The following VPS26B variants were observed in gnomAD, a reference collection of about 807,000 sequenced individuals.
VPS26B encodes the protein VPS26 retromer complex component B.
In VPS26B, 10 loss-of-function variants were observed where a neutral mutation model predicts 33.3. The observed-to-expected ratio is 0.30, with a 90% confidence interval of 0.19 to 0.51. The LOEUF (loss-of-function observed/expected upper bound fraction) is 0.51. Among genes scored for constraint, VPS26B ranks in the 20% least tolerant of loss-of-function variants. VPS26B has a pLI of 0.98. For synonymous variants in VPS26B, 190 were observed against 176.9 expected (o/e 1.07, Z -0.59); for missense variants, 317 against 452.7 (o/e 0.70, Z 2.72).
intron 2 of VPS26B, among the ~76,000 whole-genome samples, chr11:134,237,867 A>T (rs1938656192): frequency 6.6e-6 from 1 of 152,156 alleles, no homozygotes; most frequent in African/African-American, 2.4e-5. Flanking sequence ...GTTGGTGCAG[A>T]ACCCGCCTTG....
At chr11:134,226,020 T>C (rs1450642572) in intron 1 of VPS26B, among the ~76,000 whole-genome samples, 1 of 152,298 alleles carries the variant, frequency 6.6e-6, no homozygotes, top group Non-Finnish European at 1.5e-5. Context: ...CCACATTTTC[T>C]GTTTAAAGAC....
chr11:134,243,329 C>T lies in VPS26B; in HGVS notation c.721+35C>T, dbSNP rs1048461024. 3.7e-6 allele frequency: 6 copies of T among 1,611,540 alleles called. No homozygotes were observed. The Admixed American group carries it at 8.3e-5, about 22-fold the overall frequency. On this transcript the variant is annotated intron_variant, in intron 4 of 5. Coordinates refer to ENST00000281187, the MANE Select transcript of VPS26B (RefSeq NM_052875.5). The stretch of plus-strand genomic sequence containing the variant: ...CAGGCCCAGGCCTCGGCTACCACAG[C>T]TTTTCTCCCATGTCCTGCACAGAAT...
rs1938788444 is a variant in VPS26B, at chr11:134,245,022, G to A, written c.806G>A (p.Arg269His). The change falls in exon 5 of 6, where the codon CGC becomes CAC. Residue 269 changes from arginine to histidine, a missense_variant. Coordinates refer to ENST00000281187, the MANE Select transcript of VPS26B (RefSeq NM_052875.5). The surrounding 1 kb of genome is among the most constrained non-coding windows in gnomAD (Gnocchi z 4.7). ...MRDINKKFSV[R>H]YYLNLVLIDE... ...GACATCAACAAGAAGTTCTCTGTGC[G>A]CTATTACCTCAACCTGGTGCTGATA... 4.3e-6 allele frequency: 7 copies of A among 1,614,152 alleles called. No individual in the cohort carries two copies. The highest frequency in any genetic ancestry group is 5.1e-6 in the Non-Finnish European group (6 of 1,180,030).
At chr11:134,243,462 G>T in intron 4 of VPS26B, 168 bp downstream of exon 4, 1 of 785,698 alleles carries the variant, frequency 1.3e-6, no homozygotes. Flanking sequence ...AGAAAAGGAA[G>T]GCTGAGTGTG....
Position 134,225,254 on chromosome 11 carries a change from G to T in VPS26B, c.132G>T (p.Glu44Asp), listed in dbSNP as rs763813492. ...AATATTTCCTCTTCTACGACGGGGA[G>T]ACGGTCTCCGGGAAGGTGAGCCTTG... Reference protein sequence around the residue: ...KEKYFLFYDGETVSGKVSLAL... With the variant: ...KEKYFLFYDGDTVSGKVSLAL... Residue 44 changes from glutamate (E) to aspartate (D), a missense_variant, in exon 1 of 6, where the codon GAG (glutamate) becomes GAT (aspartate). Glu to Asp is a conservative substitution (Grantham distance 45, BLOSUM62 2). Coordinates refer to ENST00000281187, the MANE Select transcript of VPS26B (RefSeq NM_052875.5). 1.9e-6 allele frequency: 3 copies of T among 1,614,186 alleles called. No homozygotes were observed. The highest frequency in any genetic ancestry group is 2.5e-6 in the Non-Finnish European group (3 of 1,180,000).
At chr11:134,233,699 T>A (rs562792613) in intron 1 of VPS26B, among the ~76,000 whole-genome samples, 3 of 151,592 alleles carry the variant, frequency 2.0e-5, no homozygotes, top group African/African-American at 4.8e-5. Flanking sequence ...CACTCCAGCC[T>A]GGGCGACAGA....
Position 134,234,818 on chromosome 11 carries a change from A to C in VPS26B, c.224-79A>C, listed in dbSNP as rs189284751. The C allele has an allele frequency of 1.5e-4, 238 of 1,545,694 alleles. 1 individual carries two copies. The African/African-American group carries it at 2.6e-3, about 17-fold the overall frequency. On this transcript the variant is annotated intron_variant, in intron 1 of 5. Transcript: ENST00000281187. ...TTCCAGAAAGCAGTCCCTCCAGCCT[A>C]CAGCCTCCAGCCCCCTACTCGGCCC... is the stretch of plus-strand genomic sequence containing the variant.
In VPS26B at chr11:134,245,961, C is replaced by A. The variant is rs185564002; in HGVS notation, c.*371C>A. ...TCCTGATACAGGATCTGAGCATGTC[C>A]CTGGGATTCTGAGCTGCCAACAGGG... On this transcript the variant is annotated 3_prime_UTR_variant, in exon 6 of 6. Transcript: ENST00000281187. The surrounding 1 kb of genome is among the most constrained non-coding windows in gnomAD (Gnocchi z 4.7). 7 of 204,456 alleles carry A rather than the reference C, an allele frequency of 3.4e-5. No homozygotes were observed. The highest frequency in any genetic ancestry group is 3.1e-4 in the South Asian group (3 of 9,554). The allele number at this position is 204,456 out of a possible 1,614,324, so 12.7% of individuals were successfully genotyped here. A position where few individuals can be genotyped will look rare whatever the true frequency, so the allele number is the denominator to read the frequency against.
intron 1 of VPS26B, among the ~76,000 whole-genome samples, chr11:134,227,947 C>T (rs1024071368): frequency 2.0e-5 from 3 of 152,350 alleles, no homozygotes; most frequent in East Asian, 1.9e-4. Flanking sequence ...TGTTTCAACC[C>T]TTTGCCTTAA....
intron 1 of VPS26B, 139 bp from the exon 2 acceptor site, chr11:134,234,758 C>G (rs1345093749): frequency 2.8e-5 from 28 of 996,332 alleles, no homozygotes; most frequent in Non-Finnish European, 1.4e-6. Context: ...GTCAAGAAAA[C>G]AAGGCTAGAA....
rs1938808035 is a variant in VPS26B at position 134,245,870 on chromosome 11, G to A, written c.*280G>A. On this transcript the variant is annotated 3_prime_UTR_variant, in exon 6 of 6. Transcript: ENST00000281187. The surrounding 1 kb of genome is among the most constrained non-coding windows in gnomAD (Gnocchi z 4.7). ...GAACATGAGCCCCCTTCCTCGGGGG[G>A]CTGCCTTGCGTCTTAGAGGAGGGAG... is the stretch of plus-strand genomic sequence containing the variant. 1.9e-5 allele frequency: 8 copies of A among 426,802 alleles called. No individual in the cohort carries two copies. The South Asian group carries it at 2.0e-4, about 10-fold the overall frequency. 26.4% of individuals were successfully genotyped at this position (426,802 alleles called of 1,614,324 possible).
intron 1 of VPS26B, among the ~76,000 whole-genome samples, chr11:134,225,680 G>A (rs1473082414): frequency 6.6e-6 from 1 of 152,188 alleles, no homozygotes; most frequent in Non-Finnish European, 1.5e-5. Context: ...GGATTTCTGG[G>A]TGAGGTGCTC....
rs1005106972 is a variant in VPS26B at position 134,224,801 on chromosome 11, A to G, written c.-322A>G. The G allele has an allele frequency of 6.5e-6, 1 of 153,822 alleles. No homozygotes were observed. The highest frequency in any genetic ancestry group is 6.6e-5 in the Admixed American group (1 of 15,262). The allele number at this position is 153,822 out of a possible 1,614,324, so 9.5% of individuals were successfully genotyped here. A position where few individuals can be genotyped will look rare whatever the true frequency, so the allele number is the denominator to read the frequency against. ...GCTCTGTGCGGCTGCCCCCCGCAGC[A>G]TTGCACGGCCGACCCTCGCCCGCCC... is the stretch of plus-strand genomic sequence containing the variant. On this transcript the variant is annotated 5_prime_UTR_variant, in exon 1 of 6. Coordinates refer to ENST00000281187, the MANE Select transcript of VPS26B (RefSeq NM_052875.5).
rs917918642 is a variant in VPS26B at position 134,244,726 on chromosome 11, A to G, written c.722-212A>G. 7.1e-6 allele frequency: 4 copies of G among 564,594 alleles called. No homozygotes were observed. The highest frequency in any genetic ancestry group is 1.2e-5 in the Non-Finnish European group (4 of 327,586). 35.0% of individuals were successfully genotyped at this position (564,594 alleles called of 1,614,324 possible). A position where few individuals can be genotyped will look rare whatever the true frequency, so the allele number is the denominator to read the frequency against. ...AGTTGCTCTCTGTTTTCGAGAAGAC[A>G]TGAGAAGCTGCAACATGACCTGGAG... On this transcript the variant is annotated intron_variant, in intron 4 of 5. Coordinates refer to ENST00000281187, the MANE Select transcript of VPS26B (RefSeq NM_052875.5). The surrounding 1 kb of genome is among the most constrained non-coding windows in gnomAD (Gnocchi z 4.0).
At position 134,225,059 on chromosome 11, in the gene VPS26B, G is replaced by A. The variant is rs1938413676; in HGVS notation, c.-64G>A. On this transcript the variant is annotated 5_prime_UTR_variant, in exon 1 of 6. Transcript: ENST00000281187. ...CGGGCCCTCTGGCCTTCTTTACCTA[G>A]GGCAGCCCGCGCCCCGGTGCGAGGG... 2.0e-6 allele frequency: 3 copies of A among 1,495,192 alleles called. No individual in the cohort carries two copies. The highest frequency in any genetic ancestry group is 1.8e-4 in the Middle Eastern group (1 of 5,514). The allele number at this position is 1,495,192 out of a possible 1,614,324, so 92.6% of individuals were successfully genotyped here.
rs114987456 is a variant in VPS26B, at chr11:134,229,293, G to A, written c.223+3948G>A. On this transcript the variant is annotated intron_variant, in intron 1 of 5. Coordinates refer to ENST00000281187, the MANE Select transcript of VPS26B (RefSeq NM_052875.5). ...CTGCCTTGGCCTCCCAGAGTGCTGGGATTACATACATGAGTCACTGTGCTG... is the reference window on the plus strand; with the variant it reads ...CTGCCTTGGCCTCCCAGAGTGCTGGAATTACATACATGAGTCACTGTGCTG... Among the ~76,000 whole-genome samples, 1,315 of 152,240 alleles carry A rather than the reference G, an allele frequency of 8.6e-3. 13 individuals are homozygous for A. The highest frequency in any genetic ancestry group is 0.03 in the African/African-American group (1,252 of 41,534).
chr11:134,234,834 T>C (rs2136048794), intron 1 of VPS26B, 63 bp from the exon 2 acceptor site: 1 of 1,574,326 alleles, frequency 6.4e-7, no homozygotes, highest in East Asian at 2.3e-5. Context: ...TCCAGCCCCC[T>C]ACTCGGCCCG....
chr11:134,246,159 C>T lies in VPS26B; in HGVS notation c.*569C>T, dbSNP rs1229657210. Reference sequence around the variant, plus strand: ...CAGGCCACCTCCTTCTGGCCACTCACTGCTGGGACCCAGGCACCTCCCTTC... The same window carrying T: ...CAGGCCACCTCCTTCTGGCCACTCATTGCTGGGACCCAGGCACCTCCCTTC... On this transcript the variant is annotated 3_prime_UTR_variant, in exon 6 of 6. Coordinates refer to ENST00000281187, the MANE Select transcript of VPS26B (RefSeq NM_052875.5). 1 of 154,002 alleles carries T rather than the reference C, an allele frequency of 6.5e-6. No homozygotes were observed. Among genetic ancestry groups the T allele is most frequent in the Admixed American group, 6.4e-5 (1 of 15,646 alleles). 9.5% of individuals were successfully genotyped at this position (154,002 alleles called of 1,614,324 possible). A position where few individuals can be genotyped will look rare whatever the true frequency, so the allele number is the denominator to read the frequency against.
At chr11:134,233,812 G>A (rs1484348728) in intron 1 of VPS26B, among the ~76,000 whole-genome samples, 1 of 152,200 alleles carries the variant, frequency 6.6e-6, no homozygotes, top group Non-Finnish European at 1.5e-5. Flanking sequence ...TCTTTAAAGG[G>A]CCTGCAGTCC....
Sources: gnomAD v4.1 joint callset for allele counts (sites outside exome capture counted in the v4.1 genomes callset) on GRCh38, gnomAD v4.1.1 for gene constraint, Gnocchi (gnomAD v3.1) non-coding constraint, MANE v1.5 for transcripts, NCBI Gene and HGNC (gene_info 2026-07-23, HGNC 2026-07-21) for gene names.